The following ADGRF5 variants were observed in gnomAD, a reference collection of about 807,000 sequenced individuals.
ADGRF5 encodes G-protein coupled receptor 116.
Under a neutral mutation model 132.3 loss-of-function variants are expected in ADGRF5, and 75 were observed. The ratio of observed to expected loss-of-function variants is 0.57; its 90% confidence interval spans 0.47 to 0.69. The LOEUF is 0.69. Ranked by LOEUF, ADGRF5 falls within the 30% of genes least tolerant of loss-of-function variation. The pLI is 0.00. For synonymous variants in ADGRF5, 629 were observed against 597.6 expected, an observed-to-expected ratio of 1.05 and a Z score of -0.77; for missense variants, 1,516 against 1,630.6, an observed-to-expected ratio of 0.93 and a Z score of 1.21.
intron 15 of ADGRF5, among the ~76,000 whole-genome samples, chr6:46,862,048 G>C (rs1457730172): frequency 2.0e-5 from 3 of 152,116 alleles, no homozygotes; most frequent in East Asian, 3.9e-4. Flanking sequence ...CATTTACCTT[G>C]ACAGCACCTA....
rs755640777 is a variant in ADGRF5 at position 46,881,410 on chromosome 6, G to C, written c.814+45C>G. Reference sequence around the variant, plus strand: ...GCATAAACTAATTTCCTAGGTTTACGCATAACCATAAATAACATGACCATA... The same window carrying C: ...GCATAAACTAATTTCCTAGGTTTACCCATAACCATAAATAACATGACCATA... On this transcript the variant is annotated intron_variant, in intron 8 of 20. Coordinates refer to ENST00000283296, the MANE Select transcript of ADGRF5 (RefSeq NM_001098518.2). The C allele has an allele frequency of 8.4e-6, 13 of 1,542,112 alleles. No homozygotes were observed. The highest frequency in any genetic ancestry group is 1.2e-5 in the Non-Finnish European group (13 of 1,117,054).
chr6:46,888,249 A>G, intron 4 of ADGRF5, 86 bp downstream of exon 4: 1 of 953,610 alleles, frequency 1.0e-6, no homozygotes, highest in Non-Finnish European at 1.6e-6. Flanking sequence ...CTACTAAGTA[A>G]AAGATTGCTC....
intron 3 of ADGRF5, among the ~76,000 whole-genome samples, chr6:46,894,877 C>G (rs1280456893): frequency 1.3e-5 from 2 of 152,068 alleles, no homozygotes; most frequent in Non-Finnish European, 2.9e-5. Flanking sequence ...GCTGATAGGT[C>G]AAGAAATGCT....
rs115874476 is a variant in ADGRF5, at chr6:46,900,094, C to T, written c.103-11G>A. 1 of 1,608,374 alleles carries T rather than the reference C, an allele frequency of 6.2e-7. No homozygotes were observed. The highest frequency in any genetic ancestry group is 8.5e-7 in the Non-Finnish European group (1 of 1,174,820). On this transcript the variant is annotated splice_polypyrimidine_tract_variant and intron_variant, in intron 2 of 20. Transcript: ENST00000283296. ...ATGTTCATGAAGACTCTGAAAAGAA[C>T]ATTTGAGAAAGTTGTCAATTAACGT...
chr6:46,890,946 G>A (rs1773589922), intron 3 of ADGRF5, among the ~76,000 whole-genome samples: 1 of 152,084 alleles, frequency 6.6e-6, no homozygotes, highest in Non-Finnish European at 1.5e-5. Flanking sequence ...ATTGTTGAAT[G>A]TTTATTTCAG....
intron 1 of ADGRF5, among the ~76,000 whole-genome samples, chr6:46,945,196 C>A (rs991597527): frequency 2.0e-5 from 3 of 152,192 alleles, no homozygotes; most frequent in Non-Finnish European, 4.4e-5. Context: ...GTCCAAGTGT[C>A]ATTCATTTCT....
rs1489918837 is a variant in ADGRF5 at position 46,852,974 on chromosome 6, A to T, written c.*1018T>A. The stretch of plus-strand genomic sequence containing the variant: ...AAAATCTATTCTATAATGCACAGAG[A>T]AGTACCTGCTTGAAGCCATTAAATA... On this transcript the variant is annotated 3_prime_UTR_variant, in exon 21 of 21. Coordinates refer to ENST00000283296, the MANE Select transcript of ADGRF5 (RefSeq NM_001098518.2). 6.6e-6 allele frequency: 1 copy of T among 152,626 alleles called. No homozygotes were observed. Among genetic ancestry groups the T allele is most frequent in the Non-Finnish European group, 1.5e-5 (1 of 68,030 alleles). The allele number at this position is 152,626 out of a possible 1,614,324, so 9.5% of individuals were successfully genotyped here. A position where few individuals can be genotyped will look rare whatever the true frequency, so the allele number is the denominator to read the frequency against.
chr6:46,864,990 A>G (rs1770246271), intron 14 of ADGRF5, 52 bp downstream of exon 14: 1 of 1,253,476 alleles, frequency 8.0e-7, no homozygotes, highest in Non-Finnish European at 1.1e-6. Flanking sequence ...GAATAAATAA[A>G]TAAGTCCCTG....
At chr6:46,869,446 A>C in intron 11 of ADGRF5, 2 of 921,370 alleles carry the variant, frequency 2.2e-6, no homozygotes, top group Non-Finnish European at 2.6e-6. Context: ...CCTCTGTAAC[A>C]CCTTAAGGGA....
intron 7 of ADGRF5, 65 bp downstream of exon 7, chr6:46,881,984 A>T: frequency 2.6e-6 from 3 of 1,150,232 alleles, no homozygotes; most frequent in South Asian, 1.2e-5. Context: ...TAGGGGGTTT[A>T]CCTCCTTCAC....
chr6:46,916,807 G>A (rs974694439), intron 1 of ADGRF5, among the ~76,000 whole-genome samples: 5 of 152,174 alleles, frequency 3.3e-5, no homozygotes, highest in African/African-American at 1.2e-4. Context: ...TGTAAAATGA[G>A]CTCTGTCAAT....
chr6:46,883,724 C>G (rs1056374467), intron 5 of ADGRF5, 59 bp from the exon 6 acceptor site: 5 of 904,316 alleles, frequency 5.5e-6, no homozygotes, highest in Non-Finnish European at 7.0e-6. Flanking sequence ...ATATACAAAC[C>G]AGAAACATTT....
At chr6:46,932,066 A>G (rs1362046323) in intron 1 of ADGRF5, among the ~76,000 whole-genome samples, 1 of 152,240 alleles carries the variant, frequency 6.6e-6, no homozygotes, top group Admixed American at 6.5e-5. Flanking sequence ...ATAACGAATG[A>G]AAATAATTAT....
At chr6:46,902,209 A>T (rs2150886026) in intron 2 of ADGRF5, among the ~76,000 whole-genome samples, 1 of 152,300 alleles carries the variant, frequency 6.6e-6, no homozygotes, top group Non-Finnish European at 1.5e-5. Flanking sequence ...CCCAGGCAAA[A>T]GGAAGGTTCT....
At chr6:46,886,268 G>C (rs1773060735) in intron 4 of ADGRF5, among the ~76,000 whole-genome samples, 1 of 152,232 alleles carries the variant, frequency 6.6e-6, no homozygotes, top group Non-Finnish European at 1.5e-5. Flanking sequence ...CACTGATGCA[G>C]CCTGTGTCCC....
intron 11 of ADGRF5, among the ~76,000 whole-genome samples, chr6:46,870,403 G>T (rs544754910): frequency 6.6e-6 from 1 of 152,166 alleles, no homozygotes; most frequent in African/African-American, 2.4e-5. Flanking sequence ...TAAGCCATCT[G>T]CTCACCTTGG....
chr6:46,893,993 C>T (rs1773924969), intron 3 of ADGRF5, among the ~76,000 whole-genome samples: 1 of 152,218 alleles, frequency 6.6e-6, no homozygotes, highest in Non-Finnish European at 1.5e-5. Flanking sequence ...CCTGGAAACA[C>T]TAATGGGAAC....
chr6:46,952,884 A>G (rs887554554), intron 1 of ADGRF5, among the ~76,000 whole-genome samples: 2 of 152,194 alleles, frequency 1.3e-5, no homozygotes, highest in Non-Finnish European at 2.9e-5. Flanking sequence ...GAAAAATAGC[A>G]GACCTGAGAA....
At chr6:46,940,471 T>C (rs1161324304) in intron 1 of ADGRF5, among the ~76,000 whole-genome samples, 1 of 152,156 alleles carries the variant, frequency 6.6e-6, no homozygotes, top group African/African-American at 2.4e-5. Context: ...CTGCCTTATC[T>C]ACAATGGAGG....
Sources: gnomAD v4.1 joint callset for allele counts (sites outside exome capture counted in the v4.1 genomes callset) on GRCh38, gnomAD v4.1.1 for gene constraint, MANE v1.5 for transcripts, NCBI Gene and HGNC (gene_info 2026-07-23, HGNC 2026-07-21) for gene names.